The following CACNA1A variants were observed in gnomAD, a reference collection of about 807,000 sequenced individuals.
CACNA1A encodes calcium voltage-gated channel subunit alpha1 A, also known as voltage-dependent P/Q-type calcium channel subunit alpha-1A.
In CACNA1A, 57 loss-of-function variants were observed where a neutral mutation model predicts 262.4. That is an observed-to-expected ratio of 0.22 (90% CI 0.18 to 0.27). The LOEUF is 0.27. CACNA1A is among the 10% of genes least tolerant of loss of function. The probability of loss-of-function intolerance (pLI) is 1.00; values close to 1 mark genes in which losing one functional copy is unlikely to be tolerated. For missense variants in CACNA1A, 2,526 were observed against 3,562.8 expected (o/e 0.71, Z 7.41); for synonymous variants, 1,431 against 1,419.3 (o/e 1.01, Z -0.18).
rs1045612127 is a variant in CACNA1A at position 13,452,752 on chromosome 19, G to A, written c.539+124C>T. 45 of 793,944 alleles carry A rather than the reference G, an allele frequency of 5.7e-5. 1 individual carries two copies. Among genetic ancestry groups the A allele is most frequent in the Admixed American group, 7.1e-5 (3 of 42,436 alleles). The allele number at this position is 793,944 out of a possible 1,614,324, so 49.2% of individuals were successfully genotyped here. On this transcript the variant is annotated intron_variant, in intron 3 of 46. Coordinates refer to ENST00000360228, the MANE Select transcript of CACNA1A (RefSeq NM_001127222.2). ...GGGTGTTGGCAGAAAGGAGGCAGGC[G>A]CATAACAAGGGGAGGGAGAACACAA...
chr19:13,259,859 G>C, intron 26 of CACNA1A, 158 bp from the exon 27 acceptor site: 2 of 692,998 alleles, frequency 2.9e-6, no homozygotes, highest in Non-Finnish European at 5.0e-6. Flanking sequence ...ATGTGTTCCT[G>C]TGCTTCATAG....
At chr19:13,237,622 G>A (rs897412511) in intron 31 of CACNA1A, among the ~76,000 whole-genome samples, 11 of 152,126 alleles carry the variant, frequency 7.2e-5, no homozygotes, top group African/African-American at 1.9e-4. Context: ...ACATCAGTGC[G>A]TCCTTAGGCC....
rs114981981 is a variant in CACNA1A at position 13,220,931 on chromosome 19, G to A, written c.5731+3736C>T. Among the ~76,000 whole-genome samples the A allele has an allele frequency of 3.0e-3, 451 of 151,892 alleles. 1 individual carries two copies. Among genetic ancestry groups the A allele is most frequent in the African/African-American group, 0.01 (428 of 41,440 alleles). ...GTGAGCCACTGCTCCCAACTTCCTT[G>A]TGCTCTCTTTACCTTCACTTTGTTC... is the stretch of plus-strand genomic sequence containing the variant. On this transcript the variant is annotated intron_variant, in intron 38 of 46. Transcript: ENST00000360228.
intron 3 of CACNA1A, among the ~76,000 whole-genome samples, chr19:13,434,707 T>A (rs1412254896): frequency 6.6e-6 from 1 of 152,214 alleles, no homozygotes; most frequent in East Asian, 1.9e-4. Context: ...GCTGCCATGC[T>A]TTCTGTAGAG....
rs1568465560 is a variant in CACNA1A at position 13,255,166 on chromosome 19, C to G, written c.4684G>C (p.Val1562Leu). Residue 1562 changes from valine (V) to leucine (L), a missense_variant, in exon 29 of 47, where the codon GTG becomes CTG. Physicochemically the swap from Val to Leu is conservative, Grantham distance 32. Around this residue, in one of 17 missense-constraint regions of CACNA1A, gnomAD observed 36 missense variants for 47.3 expected, o/e 0.76. Coordinates refer to ENST00000360228, the MANE Select transcript of CACNA1A (RefSeq NM_001127222.2). ...QSFQYRMWQF[V>L]VSPPFEYTIM... ...GTGTACTCGAAAGGCGGAGACACCA[C>G]GAACTGCCACATGCGGTACTGGAAG... is the stretch of plus-strand genomic sequence containing the variant. 1 of 1,613,890 alleles carries G rather than the reference C, an allele frequency of 6.2e-7. No individual in the cohort carries two copies. Among genetic ancestry groups the G allele is most frequent in the Admixed American group, 1.7e-5 (1 of 60,010 alleles).
intron 21 of CACNA1A, 49 bp downstream of exon 21, chr19:13,285,019 C>G: frequency 1.9e-6 from 3 of 1,608,604 alleles, no homozygotes; most frequent in South Asian, 1.1e-5. Context: ...TTCCGCCACC[C>G]TGGTGGGAGC....
intron 3 of CACNA1A, among the ~76,000 whole-genome samples, chr19:13,389,478 GAT>G (rs2059675528): frequency 6.6e-6 from 1 of 152,160 alleles, no homozygotes; most frequent in African/African-American, 2.4e-5. Context: ...GAGTACTACC[GAT>G]ATGTCTCCAG....
intron 3 of CACNA1A, among the ~76,000 whole-genome samples, chr19:13,442,026 G>A (rs1266477967): frequency 1.3e-5 from 2 of 152,168 alleles, no homozygotes. Context: ...GGCAGAGGGA[G>A]GGAAGAGAAC....
Position 13,343,948 on chromosome 19 carries a change from C to T in CACNA1A, c.979-8039G>A, listed in dbSNP as rs112631848. On this transcript the variant is annotated intron_variant, in intron 6 of 46. Coordinates refer to ENST00000360228, the MANE Select transcript of CACNA1A (RefSeq NM_001127222.2). Reference sequence around the variant, plus strand: ...AACAGAGGCCAGATGTGGTGGCTCACGCCTCTCATCCCAGCACTTTGGGGG... The same window carrying T: ...AACAGAGGCCAGATGTGGTGGCTCATGCCTCTCATCCCAGCACTTTGGGGG... Among the ~76,000 whole-genome samples, 837 of 152,288 alleles carry T rather than the reference C, an allele frequency of 5.5e-3. 4 individuals carry two copies. Among genetic ancestry groups the T allele is most frequent in the Non-Finnish European group, 8.1e-3 (548 of 68,024 alleles).
In CACNA1A at chr19:13,207,586, G is replaced by T. The variant is rs1421457173; in HGVS notation, c.7248C>A (p.Asp2416Glu). ...HHGYYRGSDY[D>E]EADGPGSGGG... is the part of the protein sequence containing the mutation. ...CCCCGCTGCCCGGGCCATCGGCCTC[G>T]TCGTAGTCGGAGCCCCGGTAGTAGC... The change falls in exon 47 of 47, where the codon GAC (aspartate) becomes GAA (glutamate). Residue 2416 changes from aspartate (D) to glutamate (E), a missense_variant. This residue lies in a region of CACNA1A where 929 missense variants were observed against 868.1 expected (regional missense o/e 1.07). Coordinates refer to ENST00000360228, the MANE Select transcript of CACNA1A (RefSeq NM_001127222.2). The surrounding 1 kb of genome is among the most constrained non-coding windows in gnomAD (Gnocchi z 5.7). The T allele has an allele frequency of 1.4e-6, 2 of 1,480,482 alleles. No homozygotes were observed. Among genetic ancestry groups the T allele is most frequent in the East Asian group, 2.9e-5 (1 of 34,046 alleles). 91.7% of individuals were successfully genotyped at this position (1,480,482 alleles called of 1,614,324 possible).
chr19:13,300,734 A>C, intron 17 of CACNA1A, 78 bp from the exon 18 acceptor site: 1 of 1,112,290 alleles, frequency 9.0e-7, no homozygotes, highest in South Asian at 1.2e-5. Context: ...GTTGCTGACC[A>C]GGGGCAACAT....
At chr19:13,448,375 T>C (rs2060855487) in intron 3 of CACNA1A, among the ~76,000 whole-genome samples, 1 of 151,760 alleles carries the variant, frequency 6.6e-6, no homozygotes, top group Admixed American at 6.6e-5. Flanking sequence ...AGGAGGAAGA[T>C]GATCAAGAAA....
chr19:13,232,232 T>C (rs923675277), intron 34 of CACNA1A, among the ~76,000 whole-genome samples: 2 of 151,186 alleles, frequency 1.3e-5, no homozygotes, highest in African/African-American at 4.9e-5. Context: ...GGTCTTGCTC[T>C]GTTACCCAGG....
At chr19:13,428,519 A>C (rs1372164901) in intron 3 of CACNA1A, among the ~76,000 whole-genome samples, 1 of 152,284 alleles carries the variant, frequency 6.6e-6, no homozygotes, top group South Asian at 2.1e-4. Context: ...CATGACTACC[A>C]TTTGCTGAGA....
At chr19:13,242,743 C>T (rs1391615763) in intron 31 of CACNA1A, among the ~76,000 whole-genome samples, 2 of 152,214 alleles carry the variant, frequency 1.3e-5, no homozygotes, top group East Asian at 1.9e-4. Flanking sequence ...ACCAGGCACA[C>T]AGTAGGTGCT....
chr19:13,247,525 C>G (rs1044105745), intron 30 of CACNA1A, among the ~76,000 whole-genome samples: 3 of 152,046 alleles, frequency 2.0e-5, no homozygotes, highest in Non-Finnish European at 2.9e-5. Flanking sequence ...ATCCCCATCT[C>G]TACTAAAAAT....
rs185109760 is a variant in CACNA1A, at chr19:13,449,409, C to T, written c.539+3467G>A. 1.2e-4 allele frequency among the ~76,000 whole-genome samples: 19 copies of T among 152,268 alleles called. No homozygotes were observed. In the East Asian group the frequency reaches 2.9e-3, roughly 23 times the overall value. ...ACCTTATGGGCTTAAGTGATCCTCC[C>T]GCCTTGGCCTCCTGAGTAGCTGGGA... On this transcript the variant is annotated intron_variant, in intron 3 of 46. Transcript: ENST00000360228.
intron 4 of CACNA1A, among the ~76,000 whole-genome samples, chr19:13,367,168 G>A (rs75355054): frequency 0.049 from 7,390 of 151,904 alleles, 478 homozygotes; most frequent in African/African-American, 0.14. Flanking sequence ...GGTGGCCAGC[G>A]CCTGTAATCC....
intron 30 of CACNA1A, among the ~76,000 whole-genome samples, chr19:13,248,368 G>A (rs1320868287): frequency 1.5e-5 from 2 of 131,894 alleles, no homozygotes; most frequent in African/African-American, 2.9e-5. Flanking sequence ...TTGAGGCCAC[G>A]AGTTCAAGAA....
Sources: gnomAD v4.1 joint callset for allele counts (sites outside exome capture counted in the v4.1 genomes callset) on GRCh38, gnomAD v4.1.1 for gene constraint, gnomAD v4.1.1 regional missense constraint, Gnocchi (gnomAD v3.1) non-coding constraint, MANE v1.5 for transcripts, NCBI Gene and HGNC (gene_info 2026-07-23, HGNC 2026-07-21) for gene names.